DNAH5: variants seen among roughly 807,000 people sequenced by gnomAD.
The protein encoded by DNAH5 is axonemal beta dynein heavy chain 5.
A neutral mutation model predicts 518.2 loss-of-function variants in DNAH5; 372 were observed. That is an observed-to-expected ratio of 0.72 (90% CI 0.66 to 0.78). The LOEUF is 0.78. DNAH5 is among the 30% of genes least tolerant of loss of function. DNAH5 has a pLI of 0.00. For synonymous variants in DNAH5, 2,039 were observed against 2,025.9 expected, an observed-to-expected ratio of 1.01 and a Z score of -0.17; for missense variants, 5,523 against 5,687.0, an observed-to-expected ratio of 0.97 and a Z score of 0.93.
At chr5:13,836,209 C>T (rs1260875772) in intron 35 of DNAH5, among the ~76,000 whole-genome samples, 1 of 152,162 alleles carries the variant, frequency 6.6e-6, no homozygotes, top group Non-Finnish European at 1.5e-5. Context: ...TTTTGTGAGG[C>T]TGATCAAACA....
At chr5:13,938,930 A>G (rs1435184165) in intron 1 of DNAH5, among the ~76,000 whole-genome samples, 1 of 152,196 alleles carries the variant, frequency 6.6e-6, no homozygotes, top group Non-Finnish European at 1.5e-5. Flanking sequence ...AAATTATTCA[A>G]CGTGTATGCC....
At chr5:13,914,164 C>T (rs945146564) in intron 10 of DNAH5, among the ~76,000 whole-genome samples, 5 of 152,066 alleles carry the variant, frequency 3.3e-5, no homozygotes, top group Non-Finnish European at 7.4e-5. Context: ...GGGTTACTCA[C>T]GATGCAACTC....
chr5:13,752,569 A>G (rs149061394), intron 63 of DNAH5, among the ~76,000 whole-genome samples: 13 of 152,346 alleles, frequency 8.5e-5, no homozygotes, highest in Admixed American at 3.9e-4. Context: ...ACCTTCAAAT[A>G]TATGAAGAAG....
intron 47 of DNAH5, among the ~76,000 whole-genome samples, chr5:13,798,355 A>G (rs2126940556): frequency 6.6e-6 from 1 of 152,298 alleles, no homozygotes; most frequent in Middle Eastern, 3.4e-3. Flanking sequence ...AAATGTATGC[A>G]TGAGTAACCA....
chr5:13,801,023 A>G (rs1425390352), intron 47 of DNAH5, among the ~76,000 whole-genome samples: 2 of 152,226 alleles, frequency 1.3e-5, no homozygotes, highest in Non-Finnish European at 2.9e-5. Flanking sequence ...AATAAATACA[A>G]GAAACCTGGA....
At chr5:13,849,419 A>G (rs1766505157) in intron 31 of DNAH5, among the ~76,000 whole-genome samples, 2 of 152,352 alleles carry the variant, frequency 1.3e-5, no homozygotes, top group South Asian at 4.1e-4. Flanking sequence ...AAGAAAGCAG[A>G]TGGAGACTCC....
chr5:13,691,882 A>C lies in DNAH5; in HGVS notation c.*102T>G, dbSNP rs1228188870. 8.2e-6 allele frequency: 12 copies of C among 1,461,252 alleles called. No homozygotes were observed. The highest frequency in any genetic ancestry group is 1.1e-5 in the Non-Finnish European group (12 of 1,050,282). The allele number at this position is 1,461,252 out of a possible 1,614,324, so 90.5% of individuals were successfully genotyped here. ...ACCTATGCAGCTCATTAATTGCATAAACGACCTAACATACACTGTCCAGCA... is the reference window on the plus strand; with the variant it reads ...ACCTATGCAGCTCATTAATTGCATACACGACCTAACATACACTGTCCAGCA... On this transcript the variant is annotated 3_prime_UTR_variant, in exon 79 of 79. Transcript: ENST00000265104.
chr5:13,967,737 G>A lies in DNAH5; in HGVS notation c.13-36493C>T, dbSNP rs930912474. 2.0e-5 allele frequency among the ~76,000 whole-genome samples: 3 copies of A among 150,788 alleles called. No individual in the cohort carries two copies. In the Admixed American group the frequency reaches 2.0e-4, roughly 10 times the overall value. ...TTTTTCCAATTCTGTGAGGAATGAT[G>A]GTGGTATTTTGATGGGAATTGCATT... On this transcript the variant is annotated intron_variant, in intron 1 of 78. Transcript: ENST00000681290.
At chr5:13,698,620 C>T (rs1741679479) in intron 78 of DNAH5, among the ~76,000 whole-genome samples, 1 of 152,192 alleles carries the variant, frequency 6.6e-6, no homozygotes, top group African/African-American at 2.4e-5. Context: ...CATGTGTTTT[C>T]TCCATAAGGC....
chr5:13,951,187 T>C (rs1030771393), intron 1 of DNAH5, among the ~76,000 whole-genome samples: 3 of 36,874 alleles, frequency 8.1e-5, no homozygotes, highest in African/African-American at 1.7e-4. Flanking sequence ...CTGTCTCTTT[T>C]GTTTTTTTTT....
At position 13,690,604 on chromosome 5, in the gene DNAH5, C is replaced by T. The variant is rs1341852298; in HGVS notation, c.*1380G>A. The T allele has an allele frequency of 6.6e-6, 1 of 152,248 alleles. No homozygotes were observed. Among genetic ancestry groups the T allele is most frequent in the East Asian group, 1.9e-4 (1 of 5,172 alleles). The allele number at this position is 152,248 out of a possible 1,614,324, so 9.4% of individuals were successfully genotyped here. On this transcript the variant is annotated 3_prime_UTR_variant, in exon 79 of 79. Transcript: ENST00000265104. ...CCCACACTTGTCTCCCGGTATCCAC[C>T]TACCAAAAACTGTTTATCCAAAAAA...
chr5:13,735,372 G>T, intron 67 of DNAH5, 51 bp from the exon 68 acceptor site: 1 of 1,550,028 alleles, frequency 6.5e-7, no homozygotes, highest in Non-Finnish European at 8.9e-7. Flanking sequence ...CTTTTCAATT[G>T]TCTGTAAAAA....
intron 35 of DNAH5, among the ~76,000 whole-genome samples, chr5:13,838,999 A>G (rs1246968650): frequency 6.7e-6 from 1 of 149,484 alleles, no homozygotes; most frequent in African/African-American, 2.5e-5. Flanking sequence ...AAAAAAAAAG[A>G]AAATCTTAAT....
Position 13,870,973 on chromosome 5 carries a change from T to A in DNAH5, c.3628A>T (p.Thr1210Ser), listed in dbSNP as rs1243757930. Residue 1210 changes from threonine (T) to serine (S), a missense_variant, in exon 24 of 79, where the codon ACA becomes TCA. Thr to Ser is a moderately conservative substitution (Grantham distance 58, BLOSUM62 1). Around this residue, in one of 3 missense-constraint regions of DNAH5, gnomAD observed 5,121 missense variants for 5,223.3 expected, o/e 0.98. Transcript: ENST00000265104. ...CCAATGACAACCATCCAGGCCTTTG[T>A]CTCAGCAGTCAGGGCGAACTTCAAG... ...ADLKFALTAE[T>S]KAWMVVIGRH... The A allele has an allele frequency of 6.2e-7, 1 of 1,613,706 alleles. No homozygotes were observed. The highest frequency in any genetic ancestry group is 1.3e-5 in the African/African-American group (1 of 75,026).
rs373120631 is a variant in DNAH5 at position 13,841,338 on chromosome 5, G to A, written c.5485-208C>T. 3.1e-3 allele frequency among the ~76,000 whole-genome samples: 468 copies of A among 152,058 alleles called. 23 individuals carry two copies. In the South Asian group the frequency reaches 0.09, roughly 29 times the overall value. On this transcript the variant is annotated intron_variant, in intron 33 of 78. Coordinates refer to ENST00000265104, the MANE Select transcript of DNAH5 (RefSeq NM_001369.3). Reference sequence around the variant, plus strand: ...GAAGTCACGTTTCTCATTGTTTCCTGTATTTTAATGCTGAATCTATTTTTC... The same window carrying A: ...GAAGTCACGTTTCTCATTGTTTCCTATATTTTAATGCTGAATCTATTTTTC...
intron 29 of DNAH5, 29 bp from the exon 30 acceptor site, chr5:13,859,634 G>C (rs1502043): frequency 1.2e-6 from 2 of 1,611,186 alleles, no homozygotes; most frequent in Non-Finnish European, 8.5e-7. Context: ...TTAGGGTTTG[G>C]TTTTGTTTTT....
intron 12 of DNAH5, among the ~76,000 whole-genome samples, chr5:13,905,052 G>T (rs1185191366): frequency 6.6e-6 from 1 of 152,228 alleles, no homozygotes; most frequent in Non-Finnish European, 1.5e-5. Flanking sequence ...GTAAGGCAAA[G>T]AGCCTCATTG....
rs758559495 is a variant in DNAH5, at chr5:13,928,102, G to A, written c.269C>T (p.Ala90Val). Reference protein sequence around the residue: ...LMFYYQDVEEAETGQLGSLGG... With the variant: ...LMFYYQDVEEVETGQLGSLGG... ...ACATCAAATTCAGATACCTGTTTCT[G>A]CTTCCTCCACATCTTGATAGTAAAA... is the stretch of plus-strand genomic sequence containing the variant. The change falls in exon 3 of 79, where the codon GCA becomes GTA. Residue 90 changes from alanine (A) to valine (V), a missense_variant. Ala to Val is a moderately conservative substitution (Grantham distance 64). This residue lies in a region of DNAH5 where 5,121 missense variants were observed against 5,223.3 expected (regional missense o/e 0.98). Coordinates refer to ENST00000265104, the MANE Select transcript of DNAH5 (RefSeq NM_001369.3). 6.2e-7 allele frequency: 1 copy of A among 1,612,924 alleles called. No individual in the cohort carries two copies. Among genetic ancestry groups the A allele is most frequent in the African/African-American group, 1.3e-5 (1 of 74,998 alleles).
At chr5:13,846,913 A>C (rs1580555056) in intron 31 of DNAH5, among the ~76,000 whole-genome samples, 1 of 152,292 alleles carries the variant, frequency 6.6e-6, no homozygotes, top group Middle Eastern at 3.4e-3. Context: ...CTCAGTTTAA[A>C]ACTACTAATT....
Sources: gnomAD v4.1 joint callset for allele counts (sites outside exome capture counted in the v4.1 genomes callset) on GRCh38, gnomAD v4.1.1 for gene constraint, gnomAD v4.1.1 regional missense constraint, MANE v1.5 for transcripts, NCBI Gene and HGNC (gene_info 2026-07-23, HGNC 2026-07-21) for gene names.